HNRNPA1L2: variants seen among roughly 807,000 people sequenced by gnomAD.
HNRNPA1L2 encodes heterogeneous nuclear ribonucleoprotein A1 like 2.
HNRNPA1L2 carries 10 observed loss-of-function variants against 18.2 expected under a neutral mutation model. The observed-to-expected ratio is 0.55, with a 90% CI of 0.34 to 0.93. HNRNPA1L2 has a LOEUF of 0.93. HNRNPA1L2 is among the 40% of genes least tolerant of loss of function. HNRNPA1L2 has a pLI of 0.02. For synonymous variants in HNRNPA1L2, 124 were observed against 138.6 expected (o/e 0.89, Z 0.74); for missense variants, 308 against 394.4 (o/e 0.78, Z 1.85).
At chr13:52,639,718 C>CAAAAAAAAAAAAAAAA (rs1961585637), upstream of HNRNPA1L2, among the ~76,000 whole-genome samples, 2 of 119,176 alleles carry the variant, frequency 1.7e-5, no homozygotes, top group African/African-American at 6.6e-5. Flanking sequence ...AAAAAAAAAT[C>CAAAAAAAAAAAAAAAA]AAAACTATCC....
chr13:52,633,818 G>GAA, the HNRNPA1L2 span, among the ~76,000 whole-genome samples: 1 of 151,928 alleles, frequency 6.6e-6, no homozygotes, highest in African/African-American at 2.4e-5. Context: ...TCTCAAAGGG[G>GAA]AAAAAGAAAA....
chr13:52,619,515 G>A, the HNRNPA1L2 span, among the ~76,000 whole-genome samples: 508 of 152,158 alleles, frequency 3.3e-3, no homozygotes, highest in Middle Eastern at 6.8e-3. Flanking sequence ...GTTTCACTGT[G>A]TTGGCCAGGC....
At chr13:52,633,264 G>A in the HNRNPA1L2 span, among the ~76,000 whole-genome samples, 1 of 152,178 alleles carries the variant, frequency 6.6e-6, no homozygotes, top group South Asian at 2.1e-4. Context: ...TTATTGAAGT[G>A]ATTTAGTGAT....
the HNRNPA1L2 span, among the ~76,000 whole-genome samples, chr13:52,622,769 G>A: frequency 1.3e-5 from 2 of 152,056 alleles, no homozygotes; most frequent in Non-Finnish European, 2.9e-5. Context: ...CTTCCTCAGA[G>A]CATTGTAATT....
the HNRNPA1L2 span, among the ~76,000 whole-genome samples, chr13:52,625,711 C>T: frequency 2.0e-5 from 3 of 152,176 alleles, no homozygotes; most frequent in South Asian, 2.1e-4. Context: ...ATGTGGAATA[C>T]GGTTAAAGCT....
At chr13:52,635,342 C>T in the HNRNPA1L2 span, among the ~76,000 whole-genome samples, 1 of 151,446 alleles carries the variant, frequency 6.6e-6, no homozygotes. Flanking sequence ...ATGTACACCT[C>T]TAGCCCAGAA....
At chr13:52,633,985 A>C in the HNRNPA1L2 span, among the ~76,000 whole-genome samples, 1 of 152,198 alleles carries the variant, frequency 6.6e-6, no homozygotes. Context: ...GCATCTACTC[A>C]TGTGGCTTAC....
At chr13:52,632,268 T>C in the HNRNPA1L2 span, among the ~76,000 whole-genome samples, 1 of 152,248 alleles carries the variant, frequency 6.6e-6, no homozygotes, top group Non-Finnish European at 1.5e-5. Context: ...TTTCTGTTTT[T>C]AGTCTATCAG....
At chr13:52,628,826 A>G in the HNRNPA1L2 span, among the ~76,000 whole-genome samples, 2,346 of 152,324 alleles carry the variant, frequency 0.015, 61 homozygotes, top group African/African-American at 0.053. Flanking sequence ...AAATGTTATC[A>G]CTGTCCTGTT....
At position 52,643,278 on chromosome 13, in the gene HNRNPA1L2, T is replaced by A; in HGVS notation, c.786T>A (p.Asp262Glu). 2 of 1,593,104 alleles carry A rather than the reference T, an allele frequency of 1.3e-6. No individual in the cohort carries two copies. Among genetic ancestry groups the A allele is most frequent in the Non-Finnish European group, 8.5e-7 (1 of 1,175,856 alleles). The change falls in exon 1 of 1, where the codon GAT becomes GAA. Residue 262 changes from aspartate to glutamate, a missense_variant. Coordinates refer to ENST00000357495, the MANE Select transcript of HNRNPA1L2 (RefSeq NM_001389320.1). Reference sequence around the variant, plus strand: ...TTGGAGGTGGTGGAAGCTACAATGATTTTGGCAATTACAACAATCAGTCTT... The same window carrying A: ...TTGGAGGTGGTGGAAGCTACAATGAATTTGGCAATTACAACAATCAGTCTT... ...SNFGGGGSYN[D>E]FGNYNNQSSN...
the HNRNPA1L2 span, among the ~76,000 whole-genome samples, chr13:52,619,210 C>T: frequency 3.9e-5 from 6 of 152,050 alleles, no homozygotes; most frequent in African/African-American, 1.2e-4. Flanking sequence ...GTTGGCCAGG[C>T]TCCAACTCCC....
rs1961742592 is a variant in HNRNPA1L2, at chr13:52,643,684, A to G, written c.*229A>G. On this transcript the variant is annotated 3_prime_UTR_variant, in exon 1 of 1. Coordinates refer to ENST00000357495, the MANE Select transcript of HNRNPA1L2 (RefSeq NM_001389320.1). ...AGTTTCTGTTCTGTGGAAAGTGTAAAGCATTCCAACAAAGTGTTTTAATGT... is the reference window on the plus strand; with the variant it reads ...AGTTTCTGTTCTGTGGAAAGTGTAAGGCATTCCAACAAAGTGTTTTAATGT... The G allele has an allele frequency of 5.1e-6, 3 of 593,790 alleles. No individual in the cohort carries two copies. Among genetic ancestry groups the G allele is most frequent in the African/African-American group, 1.9e-5 (1 of 53,684 alleles). 36.8% of individuals were successfully genotyped at this position (593,790 alleles called of 1,614,324 possible). A position where few individuals can be genotyped will look rare whatever the true frequency, so the allele number is the denominator to read the frequency against.
chr13:52,636,620 G>A, the HNRNPA1L2 span, among the ~76,000 whole-genome samples: 1 of 152,172 alleles, frequency 6.6e-6, no homozygotes, highest in East Asian at 1.9e-4. Context: ...GTTGTTAACA[G>A]TAGTACATTA....
upstream of HNRNPA1L2, chr13:52,640,725 G>C (rs1407000331): frequency 6.6e-6 from 1 of 152,250 alleles, no homozygotes; most frequent in East Asian, 1.9e-4. Flanking sequence ...TGACCAGCCA[G>C]TGGCTCTCAC....
the HNRNPA1L2 span, among the ~76,000 whole-genome samples, chr13:52,625,228 C>T: frequency 6.6e-6 from 1 of 151,740 alleles, no homozygotes; most frequent in Admixed American, 6.6e-5. Context: ...GATTCTCCTT[C>T]CTCAGCCTCC....
chr13:52,634,000 C>T, the HNRNPA1L2 span, among the ~76,000 whole-genome samples: 4 of 152,084 alleles, frequency 2.6e-5, no homozygotes, highest in East Asian at 1.9e-4. Context: ...GCTTACAGAT[C>T]GTAGGAACTA....
the HNRNPA1L2 span, among the ~76,000 whole-genome samples, chr13:52,618,099 T>C: frequency 3.3e-4 from 51 of 152,360 alleles, no homozygotes; most frequent in African/African-American, 1.2e-3. Flanking sequence ...TAAGACAGTC[T>C]TGTCATCACG....
At chr13:52,641,454 G>C (rs567572088), upstream of HNRNPA1L2, 2 of 152,088 alleles carry the variant, frequency 1.3e-5, no homozygotes, top group Admixed American at 6.5e-5. Context: ...CTTCAGTTTT[G>C]CCCAATCTGA....
the HNRNPA1L2 span, among the ~76,000 whole-genome samples, chr13:52,622,586 A>G: frequency 6.6e-6 from 1 of 152,210 alleles, no homozygotes. Flanking sequence ...GCTGTTAATT[A>G]ACAATATCAT....
Sources: allele counts gnomAD v4.1 joint callset (sites outside exome capture counted in the v4.1 genomes callset), GRCh38; gene constraint gnomAD v4.1.1; transcripts MANE v1.5; gene names NCBI Gene and HGNC (gene_info 2026-07-23, HGNC 2026-07-21).